SLC12A6: variants seen among roughly 807,000 people sequenced by gnomAD.
SLC12A6 encodes solute carrier family 12 member 6, also known as K-Cl cotransporter 3.
A neutral mutation model predicts 135.3 loss-of-function variants in SLC12A6; 66 were observed. The observed-to-expected ratio is 0.49, with a 90% CI of 0.40 to 0.60. The LOEUF is 0.60. Among genes scored for constraint, SLC12A6 ranks in the 20% least tolerant of loss-of-function variants. SLC12A6 has a pLI of 0.00. For missense variants in SLC12A6, 1,058 were observed against 1,452.3 expected, an observed-to-expected ratio of 0.73 and a Z score of 4.41; for synonymous variants, 513 against 508.8, an observed-to-expected ratio of 1.01 and a Z score of -0.11.
At chr15:34,304,426 A>G (rs1382642662) in intron 2 of SLC12A6, among the ~76,000 whole-genome samples, 1 of 152,192 alleles carries the variant, frequency 6.6e-6, no homozygotes. Context: ...ACTGGGACAT[A>G]TGGTAATTCT....
intron 18 of SLC12A6, 120 bp downstream of exon 18, chr15:34,241,113 A>G: frequency 1.4e-6 from 1 of 723,014 alleles, no homozygotes; most frequent in South Asian, 1.5e-5. Context: ...GAATAGTTCA[A>G]AACAGGTCCA....
chr15:34,319,483 C>T (rs561545270), intron 2 of SLC12A6, among the ~76,000 whole-genome samples: 12 of 152,168 alleles, frequency 7.9e-5, no homozygotes, highest in African/African-American at 2.6e-4. Flanking sequence ...TAAAGACTGA[C>T]TGGCACTATA....
Position 34,261,987 on chromosome 15 carries a change from TCCCATTACTGGGTATATA to T in SLC12A6, c.317-985_317-968del, listed in dbSNP as rs143140743. ...TTAGAACTACCATTCCACCCGGCAATCCCATTACTGGGTATATACCCAAAGGAAAATAAATCATTCTAC... is the reference window on the plus strand; with the variant it reads ...TTAGAACTACCATTCCACCCGGCAATCCCAAAGGAAAATAAATCATTCTAC... On this transcript the variant is annotated intron_variant, in intron 3 of 25. Transcript: ENST00000354181. Among the ~76,000 whole-genome samples, 908 of 152,304 alleles carry T rather than the reference TCCCATTACTGGGTATATA, an allele frequency of 6.0e-3. 6 individuals are homozygous for T. Among genetic ancestry groups the T allele is most frequent in the African/African-American group, 0.021 (875 of 41,558 alleles).
intron 9 of SLC12A6, among the ~76,000 whole-genome samples, chr15:34,253,284 C>G (rs1892520342): frequency 6.6e-6 from 1 of 152,086 alleles, no homozygotes; most frequent in Non-Finnish European, 1.5e-5. Context: ...GCTGGAATAT[C>G]TCAAAGAAAA....
At chr15:34,278,702 CTGGGATTA>C (rs1338888404) in intron 2 of SLC12A6, among the ~76,000 whole-genome samples, 1 of 151,872 alleles carries the variant, frequency 6.6e-6, no homozygotes, top group Admixed American at 6.5e-5. Context: ...TCCAGAGCAG[CTGGGATTA>C]TAGGTGCCCA....
At position 34,245,417 on chromosome 15, in the gene SLC12A6, G is replaced by A. The variant is rs200904866; in HGVS notation, c.1825-14C>T. ...GTGGCCAAAAACCTGTACACAGAAG[G>A]GAAATATCAGGCACAGGAGTACTGA... On this transcript the variant is annotated splice_polypyrimidine_tract_variant and intron_variant, in intron 14 of 25. Transcript: ENST00000354181. 2.2e-6 allele frequency: 3 copies of A among 1,379,318 alleles called. No individual in the cohort carries two copies. The highest frequency in any genetic ancestry group is 3.1e-6 in the Non-Finnish European group (3 of 965,712). 85.4% of individuals were successfully genotyped at this position (1,379,318 alleles called of 1,614,324 possible). A position where few individuals can be genotyped will look rare whatever the true frequency, so the allele number is the denominator to read the frequency against.
intron 2 of SLC12A6, among the ~76,000 whole-genome samples, chr15:34,303,567 G>C (rs1896403690): frequency 6.6e-6 from 1 of 152,074 alleles, no homozygotes; most frequent in East Asian, 1.9e-4. Flanking sequence ...ACCTGCCATG[G>C]TTTGAATATA....
chr15:34,247,708 CTTT>C (rs560146427), intron 13 of SLC12A6, among the ~76,000 whole-genome samples: 2 of 143,694 alleles, frequency 1.4e-5, no homozygotes, highest in African/African-American at 5.1e-5. Flanking sequence ...ACTATCCTGA[CTTT>C]TTTTTTTTTT....
chr15:34,251,276 T>A (rs1266495169), intron 10 of SLC12A6, among the ~76,000 whole-genome samples: 1 of 151,724 alleles, frequency 6.6e-6, no homozygotes, highest in Non-Finnish European at 1.5e-5. Flanking sequence ...TGAGACAGAG[T>A]TTTACTCTGT....
At chr15:34,286,358 G>T (rs1895079212) in intron 2 of SLC12A6, among the ~76,000 whole-genome samples, 1 of 151,934 alleles carries the variant, frequency 6.6e-6, no homozygotes, top group African/African-American at 2.4e-5. Flanking sequence ...TTACAGGCGT[G>T]AGCCACCATG....
chr15:34,270,387 T>C (rs1045305939), intron 3 of SLC12A6, among the ~76,000 whole-genome samples: 4 of 152,180 alleles, frequency 2.6e-5, no homozygotes, highest in African/African-American at 9.7e-5. Context: ...CGTGTGCCAT[T>C]GTGCCTGGCT....
In SLC12A6 at chr15:34,240,684, C is replaced by T. The variant is rs200931772; in HGVS notation, c.2413G>A (p.Gly805Ser). 30 of 1,613,918 alleles carry T rather than the reference C, an allele frequency of 1.9e-5. No individual in the cohort carries two copies. In the Admixed American group the frequency reaches 2.8e-4, roughly 15 times the overall value. ...VIVGNFLENY[G>S]EALAAEQTIK... is the part of the protein sequence containing the mutation. ...ACCTGCTCAGCAGCTAAAGCTTCAC[C>T]GTAGTTCTCTAGGAAGTTCCCCACG... The change falls in exon 19 of 26, where the codon GGT becomes AGT. Residue 805 changes from glycine (G) to serine (S), a missense_variant. By Grantham distance (56) the Gly-to-Ser change is moderately conservative. This residue lies in a region of SLC12A6 where 31 missense variants were observed against 24.3 expected (regional missense o/e 1.28). Transcript: ENST00000354181.
intron 2 of SLC12A6, among the ~76,000 whole-genome samples, chr15:34,320,641 G>C (rs1379058459): frequency 6.6e-6 from 1 of 151,614 alleles, no homozygotes; most frequent in Non-Finnish European, 1.5e-5. Flanking sequence ...GCTAGGCTGG[G>C]TGAGGTGGCT....
intron 3 of SLC12A6, among the ~76,000 whole-genome samples, chr15:34,263,557 G>C (rs76084259): frequency 0.046 from 6,931 of 151,942 alleles, 172 homozygotes; most frequent in Non-Finnish European, 0.059. Context: ...AAAAAAAGGA[G>C]ACCAGGCCCA....
intron 2 of SLC12A6, among the ~76,000 whole-genome samples, chr15:34,327,191 G>A (rs972293311): frequency 5.3e-5 from 8 of 151,832 alleles, no homozygotes; most frequent in Admixed American, 6.6e-5. Flanking sequence ...TTTTCAAAAG[G>A]GGAAAGAACT....
intron 2 of SLC12A6, among the ~76,000 whole-genome samples, chr15:34,295,134 C>T (rs1372411445): frequency 6.6e-6 from 1 of 152,168 alleles, no homozygotes; most frequent in Non-Finnish European, 1.5e-5. Context: ...CAATCTCATC[C>T]TATGCTGTAA....
At chr15:34,235,630 G>GTT (rs1440081812) in intron 24 of SLC12A6, among the ~76,000 whole-genome samples, 1 of 151,710 alleles carries the variant, frequency 6.6e-6, no homozygotes, top group East Asian at 1.9e-4. Context: ...TAAAAACAGG[G>GTT]TTTCACCATG....
At chr15:34,276,092 A>G (rs1465770477) in intron 2 of SLC12A6, among the ~76,000 whole-genome samples, 2 of 152,190 alleles carry the variant, frequency 1.3e-5, no homozygotes, top group Admixed American at 6.5e-5. Flanking sequence ...ACACTTAAAC[A>G]TGGTTAAAAT....
Position 34,259,545 on chromosome 15 carries a change from G to A in SLC12A6, c.412-601C>T, listed in dbSNP as rs567117945. Among the ~76,000 whole-genome samples, 192 of 152,246 alleles carry A rather than the reference G, an allele frequency of 1.3e-3. 1 individual carries two copies. Among genetic ancestry groups the A allele is most frequent in the Non-Finnish European group, 2.3e-3 (158 of 68,022 alleles). The stretch of plus-strand genomic sequence containing the variant: ...CATGCCTGTAGTCCCAGCTACTAGG[G>A]AGGCTGAGGTAGGAGGGTCCTTTGA... On this transcript the variant is annotated intron_variant, in intron 4 of 25. Transcript: ENST00000354181.
Sources: gnomAD v4.1 joint callset for allele counts (sites outside exome capture counted in the v4.1 genomes callset) on GRCh38, gnomAD v4.1.1 for gene constraint, gnomAD v4.1.1 regional missense constraint, MANE v1.5 for transcripts, NCBI Gene and HGNC (gene_info 2026-07-23, HGNC 2026-07-21) for gene names.